The following MYH3 variants were observed in gnomAD, a reference collection of about 807,000 sequenced individuals.
MYH3 encodes the protein myosin-3.
A neutral mutation model predicts 238.0 loss-of-function variants in MYH3; 130 were observed. The ratio of observed to expected loss-of-function variants is 0.55; its 90% CI spans 0.47 to 0.63. MYH3 has a LOEUF of 0.63. Among genes scored for constraint, MYH3 ranks in the 30% least tolerant of loss-of-function variants. The pLI, the probability that MYH3 is intolerant of heterozygous loss-of-function variation, is 0.00. For missense variants in MYH3, 1,853 were observed against 2,374.9 expected (o/e 0.78, Z 4.57); for synonymous variants, 880 against 924.1 (o/e 0.95, Z 0.86).
At chr17:10,652,626 T>A in intron 3 of MYH3, 63 bp from the exon 4 acceptor site, 1 of 1,422,326 alleles carries the variant, frequency 7.0e-7, no homozygotes, top group South Asian at 1.3e-5. Flanking sequence ...TTTTTTTTTT[T>A]TTTTTTTTTT....
chr17:10,665,952 G>C, the MYH3 span, among the ~76,000 whole-genome samples: 2 of 152,168 alleles, frequency 1.3e-5, no homozygotes, highest in Non-Finnish European at 2.9e-5. Flanking sequence ...AGGAGGCCCG[G>C]ATACTTATGG....
Position 10,632,744 on chromosome 17 carries a change from T to C in MYH3, c.4688A>G (p.Gln1563Arg), listed in dbSNP as rs867172851. 1.2e-6 allele frequency: 2 copies of C among 1,614,258 alleles called. No homozygotes were observed. Among genetic ancestry groups the C allele is most frequent in the East Asian group, 4.5e-5 (2 of 44,884 alleles). Residue 1563 changes from glutamine to arginine, a missense_variant, in exon 34 of 41, where the codon CAG (glutamine) becomes CGG (arginine). Around this residue, in one of 3 missense-constraint regions of MYH3, gnomAD observed 1,044 missense variants for 1,192.6 expected, o/e 0.88. Coordinates refer to ENST00000583535, the MANE Select transcript of MYH3 (RefSeq NM_002470.4). Reference protein sequence around the residue: ...EHEEAKILRIQLELTQVKSEI... With the variant: ...EHEEAKILRIRLELTQVKSEI... ...TGATTTCACTTGTGTCAATTCAAGC[T>C]GGATTCGGAGGATCTTGGCTTCTTC...
the MYH3 span, among the ~76,000 whole-genome samples, chr17:10,672,266 C>A: frequency 6.6e-6 from 1 of 152,170 alleles, no homozygotes; most frequent in African/African-American, 2.4e-5. Flanking sequence ...TAACGTTTTA[C>A]ATAATATGGA....
In MYH3 at chr17:10,639,618, T is replaced by G. The variant is rs1436860220; in HGVS notation, c.2867A>C (p.Asp956Ala). 1.9e-6 allele frequency: 3 copies of G among 1,614,068 alleles called. No individual in the cohort carries two copies. In the Admixed American group the frequency reaches 5.0e-5, roughly 27 times the overall value. Residue 956 changes from aspartate to alanine, a missense_variant, in exon 23 of 41, where the codon GAT becomes GCT. By Grantham distance (126) the Asp-to-Ala change is moderately radical (BLOSUM62 -2). Coordinates refer to ENST00000583535, the MANE Select transcript of MYH3 (RefSeq NM_002470.4). ...CTTGGCCAGGGTCAACTCAAGGTCA[T>G]CAATGTCTTTCTTGAGCTCTGAGCA... ...DECSELKKDI[D>A]DLELTLAKVE...
Position 10,634,110 on chromosome 17 carries a change from A to C in MYH3, c.4429T>G (p.Ser1477Ala), listed in dbSNP as rs555886574. 59 of 1,614,220 alleles carry C rather than the reference A, an allele frequency of 3.7e-5. No individual in the cohort carries two copies. The South Asian group carries it at 6.3e-4, about 17-fold the overall frequency. ...AGTTTGAAGAGCTCAGTGCTCAAGG[A>C]GCGGGACTCCTTCAGGGATGCCTCC... ...ELEASLKESR[S>A]LSTELFKLKN... Residue 1477 changes from serine (S) to alanine (A), a missense_variant, in exon 32 of 41, where the codon TCC becomes GCC. By Grantham distance (99) the Ser-to-Ala change is moderately conservative. Around this residue, in one of 3 missense-constraint regions of MYH3, gnomAD observed 1,044 missense variants for 1,192.6 expected, o/e 0.88. Transcript: ENST00000583535.
At position 10,641,202 on chromosome 17, in the gene MYH3, C is replaced by T. The variant is rs984000347; in HGVS notation, c.2048G>A (p.Gly683Glu). The stretch of plus-strand genomic sequence containing the variant: ...CAGAACAAGGCTGTGTTCCATAGCC[C>T]CTGGGAACAGAAGCGAGATATCAGC... ...CIIPNETKTP[G>E]AMEHSLVLHQ... Residue 683 changes from glycine (G) to glutamate (E), a missense_variant and splice_region_variant, in exon 19 of 41, where the codon GGG (glycine) becomes GAG (glutamate). Gly to Glu is a moderately conservative substitution (Grantham distance 98). Coordinates refer to ENST00000583535, the MANE Select transcript of MYH3 (RefSeq NM_002470.4). 2.5e-6 allele frequency: 4 copies of T among 1,613,662 alleles called. No homozygotes were observed. The African/African-American group carries it at 5.3e-5, about 22-fold the overall frequency.
chr17:10,635,923 A>G, intron 28 of MYH3, 70 bp from the exon 29 acceptor site: 1 of 1,276,022 alleles, frequency 7.8e-7, no homozygotes, highest in South Asian at 1.2e-5. Context: ...TATTATGTGT[A>G]GGGCACTGTG....
At chr17:10,657,196 C>G (rs2074441215) in intron 1 of MYH3, 93 bp downstream of exon 1, 1 of 152,564 alleles carries the variant, frequency 6.6e-6, no homozygotes, top group East Asian at 1.9e-4. Flanking sequence ...CAGAGCCAGG[C>G]AGGGCCAGGG....
rs2239936 is a variant in MYH3, at chr17:10,632,032, C to A, written c.4957-16G>T. 68 of 1,611,762 alleles carry A rather than the reference C, an allele frequency of 4.2e-5. No individual in the cohort carries two copies. Among genetic ancestry groups the A allele is most frequent in the Non-Finnish European group, 5.4e-5 (64 of 1,179,846 alleles). On this transcript the variant is annotated splice_polypyrimidine_tract_variant and intron_variant, in intron 34 of 40. Coordinates refer to ENST00000583535, the MANE Select transcript of MYH3 (RefSeq NM_002470.4). The stretch of plus-strand genomic sequence containing the variant: ...GCTGCGTATCCTAGCCAGAGAAAAA[C>A]GAACATTCTATTTGAAGTTGAGGCG...
At position 10,644,425 on chromosome 17, in the gene MYH3, G is replaced by A; in HGVS notation, c.1336C>T (p.Gln446Ter). The A allele has an allele frequency of 6.2e-7, 1 of 1,614,008 alleles. No individual in the cohort carries two copies. The highest frequency in any genetic ancestry group is 8.5e-7 in the Non-Finnish European group (1 of 1,179,876). Residue 446 changes from glutamine (Q) to a stop codon, truncating the protein, a stop_gained, in exon 14 of 41, where the codon CAG becomes TAG. Coordinates refer to ENST00000583535, the MANE Select transcript of MYH3 (RefSeq NM_002470.4). LOFTEE classifies it high-confidence loss of function. ...LFLWMVTRIN[Q>*]QLDTKLPRQH... ...CTTGGAAGCTTCGTATCCAGTTGCT[G>A]GTTAATGCGAGTGACCATCCACAAG...
chr17:10,651,426 G>T (rs2074373137), intron 5 of MYH3, 86 bp downstream of exon 5: 1 of 1,604,098 alleles, frequency 6.2e-7, no homozygotes, highest in Non-Finnish European at 8.5e-7. Flanking sequence ...CACCAGATGG[G>T]GTCCAGCCTG....
Position 10,639,509 on chromosome 17 carries a change from G to A in MYH3, c.2926-35C>T, listed in dbSNP as rs201961355. 3.1e-4 allele frequency: 500 copies of A among 1,614,028 alleles called. 1 individual carries two copies. In the African/African-American group the frequency reaches 6.3e-3, roughly 20 times the overall value. ...ATTCGCAAGCAATTATAAGCTTAAA[G>A]TTTAGTTTGCAATGACTATATCAAG... is the stretch of plus-strand genomic sequence containing the variant. On this transcript the variant is annotated intron_variant, in intron 23 of 40. Transcript: ENST00000583535.
the MYH3 span, chr17:10,673,622 G>T: frequency 6.6e-6 from 1 of 152,196 alleles, no homozygotes; most frequent in Admixed American, 6.5e-5. Flanking sequence ...TCAGTCTATT[G>T]CATCAGTGGT....
At position 10,635,490 on chromosome 17, in the gene MYH3, T is replaced by A; in HGVS notation, c.4049A>T (p.Glu1350Val). Residue 1350 changes from glutamate to valine, a missense_variant, in exon 30 of 41, where the codon GAG becomes GTG. By Grantham distance (121) the Glu-to-Val change is moderately radical (BLOSUM62 -2). Around this residue, in one of 3 missense-constraint regions of MYH3, gnomAD observed 1,044 missense variants for 1,192.6 expected, o/e 0.88. Coordinates refer to ENST00000583535, the MANE Select transcript of MYH3 (RefSeq NM_002470.4). ...DCDLLREQYE[E>V]EQEGKAELQR... ...CAGCTCAGCTTTGCCTTCCTGCTCC[T>A]CCTCATACTGTTCCCGCAGCAGGTC... The A allele has an allele frequency of 6.2e-7, 1 of 1,614,212 alleles. No individual in the cohort carries two copies. Among genetic ancestry groups the A allele is most frequent in the East Asian group, 2.2e-5 (1 of 44,874 alleles).
rs2074205375 is a variant in MYH3, at chr17:10,635,460, C to G, written c.4079G>C (p.Arg1360Thr). Residue 1360 changes from arginine (R) to threonine (T), a missense_variant, in exon 30 of 41, where the codon AGG (arginine) becomes ACG (threonine). Arg to Thr is a moderately conservative substitution (Grantham distance 71). Coordinates refer to ENST00000583535, the MANE Select transcript of MYH3 (RefSeq NM_002470.4). The part of the protein sequence containing the change: ...EEQEGKAELQ[R>T]ALSKANSEVA... Reference sequence around the variant, plus strand: ...CTCACTATTGGCCTTGGACAGCGCCCTCTGCAGCTCAGCTTTGCCTTCCTG... The same window carrying G: ...CTCACTATTGGCCTTGGACAGCGCCGTCTGCAGCTCAGCTTTGCCTTCCTG... The G allele has an allele frequency of 6.2e-7, 1 of 1,614,028 alleles. No homozygotes were observed. The highest frequency in any genetic ancestry group is 1.7e-5 in the Admixed American group (1 of 60,000).
chr17:10,647,846 C>G (rs144371202), intron 8 of MYH3, among the ~76,000 whole-genome samples: 24 of 152,274 alleles, frequency 1.6e-4, no homozygotes, highest in African/African-American at 5.8e-4. Flanking sequence ...CCCAGCACCC[C>G]CTACAGTTTG....
the MYH3 span, among the ~76,000 whole-genome samples, chr17:10,667,162 A>C: frequency 6.6e-6 from 1 of 152,224 alleles, no homozygotes; most frequent in African/African-American, 2.4e-5. Context: ...TTAGAAAAAC[A>C]AACTAGCAAA....
chr17:10,671,572 A>ATTTTTTT, the MYH3 span, among the ~76,000 whole-genome samples: 1 of 82,308 alleles, frequency 1.2e-5, no homozygotes, highest in Non-Finnish European at 2.3e-5. Flanking sequence ...TCTCAGGGTC[A>ATTTTTTT]TTTTTTTTTT....
intron 8 of MYH3, 48 bp downstream of exon 8, chr17:10,648,508 AT>A: frequency 6.6e-7 from 1 of 1,509,678 alleles, no homozygotes; most frequent in Non-Finnish European, 9.2e-7. Flanking sequence ...GCTCTTGCCT[AT>A]TTTGTGAGGC....
Sources: allele counts gnomAD v4.1 joint callset (sites outside exome capture counted in the v4.1 genomes callset), GRCh38; gene constraint gnomAD v4.1.1; regional missense constraint gnomAD v4.1.1; transcripts MANE v1.5; gene names NCBI Gene and HGNC (gene_info 2026-07-23, HGNC 2026-07-21).